Variants in OPCML observed in about 807,000 individuals in gnomAD.
OPCML encodes opioid binding protein/cell adhesion molecule like.
In OPCML, 13 loss-of-function variants were observed where a neutral mutation model predicts 37.8. The ratio of observed to expected loss-of-function variants is 0.34; its 90% CI spans 0.22 to 0.55. OPCML has a LOEUF of 0.55. Ranked by LOEUF, OPCML falls within the 20% of genes least tolerant of loss-of-function variation. The pLI is 0.91. For missense variants in OPCML, 341 were observed against 435.6 expected (o/e 0.78, Z 1.93); for synonymous variants, 176 against 168.8 (o/e 1.04, Z -0.33).
At chr11:132,636,602 G>A (rs11223165) in intron 3 of OPCML, among the ~76,000 whole-genome samples, 6,225 of 152,276 alleles carry the variant, frequency 0.041, 302 homozygotes, top group African/African-American at 0.12. Flanking sequence ...AAGAAATAGC[G>A]AATGTGAGGA....
intron 2 of OPCML, among the ~76,000 whole-genome samples, chr11:132,830,514 A>G (rs1484291388): frequency 1.3e-5 from 2 of 152,188 alleles, no homozygotes; most frequent in Non-Finnish European, 2.9e-5. Flanking sequence ...TCGGTTCACC[A>G]GGATGCCTTC....
At chr11:132,837,778 A>G (rs969511995) in intron 2 of OPCML, among the ~76,000 whole-genome samples, 1 of 152,162 alleles carries the variant, frequency 6.6e-6, no homozygotes, top group Non-Finnish European at 1.5e-5. Flanking sequence ...TGGACAGGGC[A>G]TGGCGGGGGA....
chr11:132,621,453 A>G (rs561870299), intron 3 of OPCML, among the ~76,000 whole-genome samples: 6 of 152,226 alleles, frequency 3.9e-5, no homozygotes, highest in Non-Finnish European at 8.8e-5. Context: ...GTAAATGGAA[A>G]GCTACTCAGC....
chr11:133,241,686 G>A (rs1490966312), intron 1 of OPCML, among the ~76,000 whole-genome samples: 2 of 152,144 alleles, frequency 1.3e-5, no homozygotes, highest in Non-Finnish European at 2.9e-5. Flanking sequence ...CCTAATGTAA[G>A]GATTCCTTTG....
intron 7 of OPCML, chr11:132,435,311 G>A (rs1050841861): frequency 8.3e-7 from 1 of 1,211,734 alleles, no homozygotes; most frequent in Non-Finnish European, 1.1e-6. Context: ...TGTCTGAGGT[G>A]CACGTGGAAA....
intron 2 of OPCML, among the ~76,000 whole-genome samples, chr11:132,685,948 G>T (rs182312831): frequency 6.6e-6 from 1 of 152,148 alleles, no homozygotes. Flanking sequence ...GAACAACAAC[G>T]TCCTTTGGGC....
chr11:132,890,334 G>A (rs1344222344), intron 2 of OPCML, among the ~76,000 whole-genome samples: 1 of 152,100 alleles, frequency 6.6e-6, no homozygotes, highest in Non-Finnish European at 1.5e-5. Context: ...TTACAAAAGA[G>A]CCAACATATG....
intron 1 of OPCML, among the ~76,000 whole-genome samples, chr11:133,104,500 C>T (rs1294685894): frequency 1.3e-5 from 2 of 152,200 alleles, no homozygotes; most frequent in African/African-American, 2.4e-5. Flanking sequence ...GGCATTTCTC[C>T]ATTTTGTGGT....
chr11:132,705,901 G>A (rs941518602), intron 2 of OPCML, among the ~76,000 whole-genome samples: 5 of 152,026 alleles, frequency 3.3e-5, no homozygotes, highest in Non-Finnish European at 4.4e-5. Flanking sequence ...TCCACCTCCC[G>A]GGTTCAAGTG....
intron 3 of OPCML, among the ~76,000 whole-genome samples, chr11:132,633,138 A>G (rs896810844): frequency 5.9e-5 from 9 of 152,152 alleles, no homozygotes; most frequent in Admixed American, 5.9e-4. Flanking sequence ...ACAACACAGC[A>G]AAGTGTCTTC....
At chr11:132,451,112 AG>A in intron 4 of OPCML, among the ~76,000 whole-genome samples, 1 of 152,320 alleles carries the variant, frequency 6.6e-6, no homozygotes, top group East Asian at 1.9e-4. Flanking sequence ...GCAAATCAGA[AG>A]GCAATTCATC....
intron 1 of OPCML, among the ~76,000 whole-genome samples, chr11:133,114,330 CT>C (rs1949299695): frequency 6.6e-6 from 1 of 152,172 alleles, no homozygotes; most frequent in South Asian, 2.1e-4. Flanking sequence ...TCTGGCCAAA[CT>C]TTTGGGGTCG....
At chr11:132,865,506 G>A (rs1032171917) in intron 2 of OPCML, among the ~76,000 whole-genome samples, 34 of 152,196 alleles carry the variant, frequency 2.2e-4, no homozygotes, top group African/African-American at 8.2e-4. Flanking sequence ...CTAGGCCTCA[G>A]CATTAGCATT....
In OPCML at chr11:132,564,310, C is replaced by G. The variant is rs780329264; in HGVS notation, c.380-35124G>C. The stretch of plus-strand genomic sequence containing the variant: ...CTGCTGAGGTGGCACTTGACAGTGT[C>G]CAGAGACTACTGGAGCCAGGCTGGG... On this transcript the variant is annotated intron_variant, in intron 3 of 7. Coordinates refer to ENST00000524381, the MANE Select transcript of OPCML (RefSeq NM_001012393.5). Among the ~76,000 whole-genome samples the G allele has an allele frequency of 6.6e-5, 10 of 152,302 alleles. 1 individual carries two copies. The highest frequency in any genetic ancestry group is 1.9e-4 in the East Asian group (1 of 5,194).
At chr11:133,019,223 A>G (rs908297539) in intron 1 of OPCML, among the ~76,000 whole-genome samples, 3 of 152,338 alleles carry the variant, frequency 2.0e-5, no homozygotes, top group Non-Finnish European at 4.4e-5. Flanking sequence ...AGACAGTGAC[A>G]TAAAGCTGCA....
At chr11:133,456,076 G>C (rs543705506) in intron 1 of OPCML, among the ~76,000 whole-genome samples, 1 of 152,194 alleles carries the variant, frequency 6.6e-6, no homozygotes, top group Admixed American at 6.5e-5. Flanking sequence ...TGTAACTCAG[G>C]CTGGTGGAAA....
chr11:132,477,741 T>A (rs533563307), intron 4 of OPCML, among the ~76,000 whole-genome samples: 1 of 152,292 alleles, frequency 6.6e-6, no homozygotes, highest in East Asian at 1.9e-4. Flanking sequence ...GTATTGTAGG[T>A]GTAATGCCCA....
At chr11:132,618,992 CACACACA>C (rs1939227868) in intron 3 of OPCML, among the ~76,000 whole-genome samples, 1 of 119,970 alleles carries the variant, frequency 8.3e-6, no homozygotes, top group Admixed American at 8.6e-5. Context: ...CACACACACA[CACACACA>C]CCGTGTTTAG....
chr11:133,175,157 C>G (rs946989698), intron 1 of OPCML, among the ~76,000 whole-genome samples: 1 of 152,198 alleles, frequency 6.6e-6, no homozygotes. Context: ...GTTTTAGGAT[C>G]AGTCTGAGCA....
Sources: gnomAD v4.1 joint callset for allele counts (sites outside exome capture counted in the v4.1 genomes callset) on GRCh38, gnomAD v4.1.1 for gene constraint, MANE v1.5 for transcripts, NCBI Gene and HGNC (gene_info 2026-07-23, HGNC 2026-07-21) for gene names.